The following CAMTA1 variants were observed in gnomAD, a reference collection of about 807,000 sequenced individuals.
The protein encoded by CAMTA1 is calmodulin-binding transcription activator 1.
CAMTA1 carries 27 observed loss-of-function variants against 170.9 expected under a neutral mutation model. That is an observed-to-expected ratio of 0.16 (90% CI 0.12 to 0.22). The LOEUF is 0.22. CAMTA1 is among the 10% of genes least tolerant of loss of function. The probability of loss-of-function intolerance (pLI) is 1.00; values close to 1 mark genes in which losing one functional copy is unlikely to be tolerated. For synonymous variants in CAMTA1, 833 were observed against 891.5 expected, an observed-to-expected ratio of 0.93 and a Z score of 1.17; for missense variants, 1,619 against 2,217.2, an observed-to-expected ratio of 0.73 and a Z score of 5.42.
intron 4 of CAMTA1, among the ~76,000 whole-genome samples, chr1:7,213,378 T>C (rs993897604): frequency 1.3e-5 from 2 of 152,248 alleles, no homozygotes; most frequent in Non-Finnish European, 2.9e-5. Flanking sequence ...TGAACACCTT[T>C]GCATGTGTTT....
chr1:7,245,258 A>G (rs1324345778), intron 4 of CAMTA1, among the ~76,000 whole-genome samples: 1 of 151,330 alleles, frequency 6.6e-6, no homozygotes, highest in Non-Finnish European at 1.5e-5. Context: ...ACACATACAT[A>G]CAATGTCTAT....
At chr1:7,241,439 G>GT (rs1162493472) in intron 4 of CAMTA1, among the ~76,000 whole-genome samples, 1 of 152,168 alleles carries the variant, frequency 6.6e-6, no homozygotes, top group Non-Finnish European at 1.5e-5. Flanking sequence ...CTCAGAAATT[G>GT]TCAAGCTAAC....
intron 7 of CAMTA1, among the ~76,000 whole-genome samples, chr1:7,654,669 TACAC>T (rs937563265): frequency 1.6e-5 from 2 of 126,042 alleles, no homozygotes; most frequent in African/African-American, 6.3e-5. Flanking sequence ...CACACACCTA[TACAC>T]ACACTCCATG....
At chr1:7,158,353 G>A (rs993583595) in intron 4 of CAMTA1, among the ~76,000 whole-genome samples, 3 of 152,168 alleles carry the variant, frequency 2.0e-5, no homozygotes, top group African/African-American at 7.2e-5. Flanking sequence ...TGTGGGTGAT[G>A]GTGTCTGCAA....
intron 3 of CAMTA1, among the ~76,000 whole-genome samples, chr1:6,830,560 C>T (rs1649514098): frequency 6.6e-6 from 1 of 152,138 alleles, no homozygotes; most frequent in Non-Finnish European, 1.5e-5. Context: ...TTAGGCTGGT[C>T]TCCAACTCCC....
At chr1:7,576,039 T>G (rs1352232127) in intron 6 of CAMTA1, among the ~76,000 whole-genome samples, 1 of 152,098 alleles carries the variant, frequency 6.6e-6, no homozygotes, top group Non-Finnish European at 1.5e-5. Flanking sequence ...GACAGAGTCT[T>G]GCTCTGTCAC....
At chr1:7,614,165 G>A (rs1375181537) in intron 6 of CAMTA1, among the ~76,000 whole-genome samples, 2 of 151,026 alleles carry the variant, frequency 1.3e-5, no homozygotes, top group Admixed American at 6.6e-5. Flanking sequence ...TGTCAGCAAA[G>A]GCCCGAGGCC....
intron 3 of CAMTA1, among the ~76,000 whole-genome samples, chr1:7,047,258 G>C (rs1472322969): frequency 4.6e-5 from 7 of 152,176 alleles, no homozygotes; most frequent in Admixed American, 4.6e-4. Flanking sequence ...TGTTACTGCA[G>C]TATAACATCT....
chr1:6,961,709 A>G (rs1330471652), intron 3 of CAMTA1, among the ~76,000 whole-genome samples: 1 of 152,232 alleles, frequency 6.6e-6, no homozygotes, highest in African/African-American at 2.4e-5. Flanking sequence ...GAATTGATCC[A>G]AGCCCATTCA....
chr1:7,712,464 G>A (rs768348994), intron 11 of CAMTA1, among the ~76,000 whole-genome samples: 2 of 152,100 alleles, frequency 1.3e-5, no homozygotes, highest in Non-Finnish European at 2.9e-5. Context: ...GGGACCACAG[G>A]TGTGCATCAC....
At chr1:6,823,721 A>G (rs1646787715) in intron 2 of CAMTA1, among the ~76,000 whole-genome samples, 1 of 152,130 alleles carries the variant, frequency 6.6e-6, no homozygotes, top group East Asian at 1.9e-4. Flanking sequence ...ACCTTAGAAA[A>G]TATTTTTTGT....
intron 5 of CAMTA1, among the ~76,000 whole-genome samples, chr1:7,255,555 C>T (rs1341906299): frequency 6.6e-6 from 1 of 152,152 alleles, no homozygotes; most frequent in Non-Finnish European, 1.5e-5. Context: ...GTGATGATTT[C>T]CTCCCCTACA....
At chr1:7,315,472 C>G (rs1380749077) in intron 5 of CAMTA1, among the ~76,000 whole-genome samples, 2 of 152,186 alleles carry the variant, frequency 1.3e-5, no homozygotes, top group Admixed American at 6.5e-5. Context: ...AGGGTGAAGC[C>G]TGGGAAACAG....
Position 6,887,957 on chromosome 1 carries a change from T to C in CAMTA1, c.234+62747T>C, listed in dbSNP as rs1673678794. On this transcript the variant is annotated intron_variant, in intron 3 of 22. Coordinates refer to ENST00000303635, the MANE Select transcript of CAMTA1 (RefSeq NM_015215.4). The surrounding 1 kb of genome is among the most constrained non-coding windows in gnomAD (Gnocchi z 4.1). ...GACTGAGCTCTGGAGAGCAGGGCTCTGTGCACACGCCTCCTGGTCCAGAGG... is the reference window on the plus strand; with the variant it reads ...GACTGAGCTCTGGAGAGCAGGGCTCCGTGCACACGCCTCCTGGTCCAGAGG... 2 of 1,270,020 alleles carry C rather than the reference T, an allele frequency of 1.6e-6. No homozygotes were observed. The highest frequency in any genetic ancestry group is 3.0e-5 in the African/African-American group (2 of 66,000). 78.7% of individuals were successfully genotyped at this position (1,270,020 alleles called of 1,614,324 possible).
intron 3 of CAMTA1, among the ~76,000 whole-genome samples, chr1:6,994,960 C>T (rs540281637): frequency 7.5e-4 from 114 of 152,266 alleles, no homozygotes; most frequent in African/African-American, 2.3e-3. Context: ...TGAGCCATTG[C>T]ACCCGGCCCG....
chr1:7,130,082 A>C (rs968627866), intron 4 of CAMTA1, among the ~76,000 whole-genome samples: 1 of 152,082 alleles, frequency 6.6e-6, no homozygotes, highest in Non-Finnish European at 1.5e-5. Context: ...GACTACAGGC[A>C]CGTGCGTCAC....
At chr1:7,582,445 G>C (rs968776321) in intron 6 of CAMTA1, among the ~76,000 whole-genome samples, 4 of 152,186 alleles carry the variant, frequency 2.6e-5, no homozygotes, top group African/African-American at 7.2e-5. Context: ...ATTCTCTGGG[G>C]TTGGGTTCAG....
chr1:7,252,443 T>C (rs1422333326), intron 5 of CAMTA1, among the ~76,000 whole-genome samples: 1 of 152,210 alleles, frequency 6.6e-6, no homozygotes, highest in Non-Finnish European at 1.5e-5. Context: ...AACCCCCACA[T>C]CTCACCAGCA....
chr1:6,865,318 TTC>T (rs1437806966), intron 3 of CAMTA1, among the ~76,000 whole-genome samples: 2 of 152,220 alleles, frequency 1.3e-5, no homozygotes, highest in Non-Finnish European at 2.9e-5. Flanking sequence ...CATTCATTCA[TTC>T]TCTCATTCAC....
Sources: allele counts gnomAD v4.1 joint callset (sites outside exome capture counted in the v4.1 genomes callset), GRCh38; gene constraint gnomAD v4.1.1; non-coding constraint Gnocchi (gnomAD v3.1); transcripts MANE v1.5; gene names NCBI Gene and HGNC (gene_info 2026-07-23, HGNC 2026-07-21).